PRR5L: variants seen among roughly 807,000 people sequenced by gnomAD.
PRR5L encodes proline-rich protein 5-like.
Under a neutral mutation model 36.4 loss-of-function variants are expected in PRR5L, and 21 were observed. The ratio of observed to expected loss-of-function variants is 0.58; its 90% CI spans 0.41 to 0.83. The LOEUF (loss-of-function observed/expected upper bound fraction) is 0.83, where lower values mean the gene tolerates loss of function less well. Among genes scored for constraint, PRR5L ranks in the 40% least tolerant of loss-of-function variants. The pLI, the probability that PRR5L is intolerant of heterozygous loss-of-function variation, is 0.00. For synonymous variants in PRR5L, 188 were observed against 197.0 expected (o/e 0.95, Z 0.38); for missense variants, 381 against 473.3 (o/e 0.80, Z 1.81).
chr11:36,348,529 T>G (rs1029066701), intron 1 of PRR5L, among the ~76,000 whole-genome samples: 1 of 152,210 alleles, frequency 6.6e-6, no homozygotes, highest in African/African-American at 2.4e-5. Context: ...CACCTCTGTC[T>G]GCCTTGCCCA....
chr11:36,377,236 C>T lies in PRR5L; in HGVS notation c.-125-23761C>T, dbSNP rs996561293. The stretch of plus-strand genomic sequence containing the variant: ...GGGCAGGGAGCCACTTTGTCCCGTG[C>T]GCTGCTGCACGCGCGCGCTCTGCGG... On this transcript the variant is annotated intron_variant, in intron 1 of 8. Transcript: ENST00000530639. The surrounding 1 kb of genome is among the most constrained non-coding windows in gnomAD (Gnocchi z 5.1). 6.6e-6 allele frequency among the ~76,000 whole-genome samples: 1 copy of T among 152,194 alleles called. No individual in the cohort carries two copies. The highest frequency in any genetic ancestry group is 1.5e-5 in the Non-Finnish European group (1 of 68,034).
chr11:36,364,874 T>C (rs1343034593), intron 1 of PRR5L, among the ~76,000 whole-genome samples: 1 of 152,196 alleles, frequency 6.6e-6, no homozygotes, highest in African/African-American at 2.4e-5. Flanking sequence ...ATTTGTTTCC[T>C]TTCTCCCTCC....
At chr11:36,422,120 G>T (rs1858276799) in intron 4 of PRR5L, among the ~76,000 whole-genome samples, 1 of 152,186 alleles carries the variant, frequency 6.6e-6, no homozygotes, top group African/African-American at 2.4e-5. Flanking sequence ...AGTCATGCAG[G>T]TGGTTCAACA....
Position 36,322,963 on chromosome 11 carries a change from C to T in PRR5L, c.-126+26525C>T, listed in dbSNP as rs185990262. Among the ~76,000 whole-genome samples the T allele has an allele frequency of 2.2e-3, 342 of 152,270 alleles. 2 individuals carry two copies. The highest frequency in any genetic ancestry group is 2.2e-3 in the Non-Finnish European group (149 of 68,016). On this transcript the variant is annotated intron_variant, in intron 1 of 8. Transcript: ENST00000530639. ...AGCCAAGGAATGCAAGGATCGCTGG[C>T]GACGACACCAGAAGCTAAGAGAAAG...
intron 1 of PRR5L, among the ~76,000 whole-genome samples, chr11:36,338,070 A>G (rs1361247558): frequency 1.3e-5 from 2 of 152,226 alleles, no homozygotes; most frequent in Non-Finnish European, 2.9e-5. Flanking sequence ...GAACTTTGTC[A>G]CGTGGCCATA....
chr11:36,383,309 C>T (rs1040784446), intron 1 of PRR5L, among the ~76,000 whole-genome samples: 4 of 152,172 alleles, frequency 2.6e-5, no homozygotes, highest in African/African-American at 7.2e-5. Context: ...AGGCTTAGCT[C>T]TGTAACCTTC....
chr11:36,350,851 G>A (rs564260016), intron 1 of PRR5L, among the ~76,000 whole-genome samples: 125 of 145,254 alleles, frequency 8.6e-4, no homozygotes, highest in African/African-American at 3.1e-3. Flanking sequence ...CATCCAGGTT[G>A]CTGTGAATGG....
chr11:36,308,564 A>ATTGCATT (rs1382811747), intron 1 of PRR5L, among the ~76,000 whole-genome samples: 1 of 152,186 alleles, frequency 6.6e-6, no homozygotes, highest in Admixed American at 6.5e-5. Flanking sequence ...GATTAATAGT[A>ATTGCATT]TTGCATTTTA....
intron 1 of PRR5L, among the ~76,000 whole-genome samples, chr11:36,306,119 T>A (rs1856428724): frequency 6.6e-6 from 1 of 152,158 alleles, no homozygotes; most frequent in Non-Finnish European, 1.5e-5. Context: ...ATTATTACAC[T>A]TTAAGTTCTA....
intron 1 of PRR5L, chr11:36,376,365 AG>A: frequency 7.0e-6 from 8 of 1,142,072 alleles, no homozygotes; most frequent in Non-Finnish European, 8.8e-6. Context: ...GAGGAGGAGG[AG>A]GAGGAGGAGG....
Position 36,350,972 on chromosome 11 carries a change from A to ATATATTTATATATT in PRR5L, c.-125-50020_-125-50019insTTATATATTTATAT, listed in dbSNP as rs1264656078. On this transcript the variant is annotated intron_variant, in intron 1 of 8. Transcript: ENST00000530639. ...TATATTTATATATATTTATATATTTATATATATTTATATATTTATATATTT... is the reference window on the plus strand; with the variant it reads ...TATATTTATATATATTTATATATTTATATATTTATATATTTATATATTTATATATTTATATATTT... 2.9e-4 allele frequency among the ~76,000 whole-genome samples: 14 copies of ATATATTTATATATT among 48,390 alleles called. 3 individuals carry two copies. The highest frequency in any genetic ancestry group is 2.4e-3 in the South Asian group (4 of 1,652). The allele number at this position is 48,390 out of a possible 152,430, so 31.7% of individuals were successfully genotyped here. A position where few individuals can be genotyped will look rare whatever the true frequency, so the allele number is the denominator to read the frequency against.
intron 1 of PRR5L, among the ~76,000 whole-genome samples, chr11:36,355,001 G>T (rs564491510): frequency 1.3e-5 from 2 of 152,296 alleles, no homozygotes; most frequent in African/African-American, 4.8e-5. Context: ...GCTTGGAGAT[G>T]ATTGTTGTAA....
intron 1 of PRR5L, among the ~76,000 whole-genome samples, chr11:36,314,835 T>C (rs1856539281): frequency 6.6e-6 from 1 of 152,216 alleles, no homozygotes; most frequent in Non-Finnish European, 1.5e-5. Context: ...TCACTATCTA[T>C]GTGACCTTGG....
In PRR5L at chr11:36,389,881, C is replaced by T. The variant is rs544044672; in HGVS notation, c.-125-11116C>T. On this transcript the variant is annotated intron_variant, in intron 1 of 8. Coordinates refer to ENST00000530639, the MANE Select transcript of PRR5L (RefSeq NM_001160167.2). Reference sequence around the variant, plus strand: ...ACCCGCCTTGGCCTCCCAAAATGCCCATGTAATTTTAAATGTTGATGTTCT... The same window carrying T: ...ACCCGCCTTGGCCTCCCAAAATGCCTATGTAATTTTAAATGTTGATGTTCT... 3.9e-5 allele frequency among the ~76,000 whole-genome samples: 6 copies of T among 152,150 alleles called. 1 individual carries two copies. The South Asian group carries it at 1.2e-3, about 32-fold the overall frequency.
At chr11:36,360,440 A>G (rs911593079) in intron 1 of PRR5L, among the ~76,000 whole-genome samples, 1 of 152,226 alleles carries the variant, frequency 6.6e-6, no homozygotes, top group African/African-American at 2.4e-5. Flanking sequence ...GAGAGATGTC[A>G]GTTTTGCTGA....
At position 36,431,858 on chromosome 11, in the gene PRR5L, G is replaced by A. The variant is rs553014624; in HGVS notation, c.300G>A (p.Gln100=). 1.5e-5 allele frequency: 25 copies of A among 1,614,140 alleles called. No individual in the cohort carries two copies. In the East Asian group the frequency reaches 4.9e-4, roughly 32 times the overall value. Residue 100 remains glutamine (Q), a synonymous_variant, in exon 5 of 9, where the codon CAG becomes CAA. Coordinates refer to ENST00000530639, the MANE Select transcript of PRR5L (RefSeq NM_001160167.2). ...GSFITDYFQN[Q]LLAKGLFFVE... ...TCTTTGTTCTCTTTTGGCAGAACCA[G>A]CTTCTTGCAAAAGGACTGTTCTTTG... is the stretch of plus-strand genomic sequence containing the variant.
intron 4 of PRR5L, among the ~76,000 whole-genome samples, chr11:36,431,651 G>A (rs558757104): frequency 1.4e-4 from 22 of 151,962 alleles, no homozygotes; most frequent in Non-Finnish European, 2.6e-4. Flanking sequence ...TATCTCACTC[G>A]TTCTTTTGCT....
chr11:36,351,455 ATT>A (rs1554987157), intron 1 of PRR5L, among the ~76,000 whole-genome samples: 494 of 30,168 alleles, frequency 0.016, 181 homozygotes, highest in Middle Eastern at 0.11. Flanking sequence ...ATATTTATAT[ATT>A]TATATATTTA....
chr11:36,461,674 T>A (rs1287147684), intron 8 of PRR5L, among the ~76,000 whole-genome samples: 2 of 152,148 alleles, frequency 1.3e-5, no homozygotes, highest in African/African-American at 4.8e-5. Context: ...CCTTCCTGTG[T>A]CTGCCTCCTT....
Sources: allele counts gnomAD v4.1 joint callset (sites outside exome capture counted in the v4.1 genomes callset), GRCh38; gene constraint gnomAD v4.1.1; non-coding constraint Gnocchi (gnomAD v3.1); transcripts MANE v1.5; gene names NCBI Gene and HGNC (gene_info 2026-07-23, HGNC 2026-07-21).